The following FHIT variants were observed in gnomAD, a reference collection of about 807,000 sequenced individuals.
The protein encoded by FHIT is fragile histidine triad diadenosine triphosphatase.
In FHIT, 19 loss-of-function variants were observed where a neutral mutation model predicts 17.9. That is an observed-to-expected ratio of 1.06 (90% CI 0.74 to 1.56). FHIT has a LOEUF of 1.56. FHIT is among the 40% of genes most tolerant of loss of function. The pLI, the probability that FHIT is intolerant of heterozygous loss-of-function variation, is 0.00. For synonymous variants in FHIT, 81 were observed against 69.7 expected, an observed-to-expected ratio of 1.16 and a Z score of -0.81; for missense variants, 248 against 189.2, an observed-to-expected ratio of 1.31 and a Z score of -1.82.
At chr3:61,006,285 C>A (rs1163564789) in intron 3 of FHIT, among the ~76,000 whole-genome samples, 1 of 152,084 alleles carries the variant, frequency 6.6e-6, no homozygotes, top group African/African-American at 2.4e-5. Flanking sequence ...CAGAAGGTAA[C>A]CTCAAGCAGT....
intron 5 of FHIT, among the ~76,000 whole-genome samples, chr3:60,206,038 C>T (rs1332830040): frequency 2.0e-5 from 3 of 150,070 alleles, no homozygotes; most frequent in East Asian, 4.0e-4. Context: ...AAGGCTGAGG[C>T]AGGAGAATGG....
intron 4 of FHIT, among the ~76,000 whole-genome samples, chr3:60,541,678 A>C (rs914604200): frequency 6.6e-6 from 1 of 152,208 alleles, no homozygotes; most frequent in South Asian, 2.1e-4. Flanking sequence ...CCAAACTGGT[A>C]GACTATGAAC....
chr3:59,778,420 A>G (rs890354364), intron 8 of FHIT, among the ~76,000 whole-genome samples: 2 of 152,222 alleles, frequency 1.3e-5, no homozygotes, highest in Non-Finnish European at 1.5e-5. Flanking sequence ...CTGGCCTCAT[A>G]GAGCTTGTAT....
chr3:60,535,256 C>T (rs2035939445), intron 5 of FHIT, among the ~76,000 whole-genome samples: 1 of 152,096 alleles, frequency 6.6e-6, no homozygotes, highest in African/African-American at 2.4e-5. Context: ...AGTGGTACAT[C>T]TCTGTGACCT....
At chr3:60,350,984 A>T in intron 5 of FHIT, among the ~76,000 whole-genome samples, 1 of 152,120 alleles carries the variant, frequency 6.6e-6, no homozygotes, top group East Asian at 1.9e-4. Flanking sequence ...TCTGTCAACA[A>T]CCTGAGGGAG....
chr3:60,364,666 C>A (rs138590580), intron 5 of FHIT, among the ~76,000 whole-genome samples: 1 of 152,162 alleles, frequency 6.6e-6, no homozygotes. Context: ...CTAAGAGATG[C>A]CCAGATAACT....
intron 7 of FHIT, among the ~76,000 whole-genome samples, chr3:60,004,404 A>G (rs997678317): frequency 6.6e-6 from 1 of 152,180 alleles, no homozygotes; most frequent in Non-Finnish European, 1.5e-5. Context: ...TACTAATGAA[A>G]AATTAAACAC....
chr3:60,847,527 G>A (rs1702972381), intron 3 of FHIT, among the ~76,000 whole-genome samples: 1 of 152,060 alleles, frequency 6.6e-6, no homozygotes, highest in Admixed American at 6.5e-5. Context: ...CAAATGAGGA[G>A]ATCCCCTTTT....
At chr3:59,999,954 G>C (rs139699933) in intron 7 of FHIT, among the ~76,000 whole-genome samples, 27 of 152,234 alleles carry the variant, frequency 1.8e-4, no homozygotes, top group African/African-American at 6.3e-4. Context: ...CTTCAAGTCT[G>C]GTTAATTCAA....
chr3:59,809,226 C>T (rs963581608), intron 8 of FHIT, among the ~76,000 whole-genome samples: 4 of 152,094 alleles, frequency 2.6e-5, no homozygotes, highest in Non-Finnish European at 5.9e-5. Context: ...TGAGGTCATA[C>T]TGGATTAGAA....
chr3:59,924,656 T>C (rs554876359), intron 7 of FHIT, among the ~76,000 whole-genome samples: 67 of 152,362 alleles, frequency 4.4e-4, no homozygotes, highest in African/African-American at 1.2e-3. Flanking sequence ...AGACATCACA[T>C]TCAGGGATTG....
chr3:60,112,774 T>TAGGAGCATGATGGAAGCA (rs1465175772), intron 5 of FHIT, among the ~76,000 whole-genome samples: 3 of 152,158 alleles, frequency 2.0e-5, no homozygotes, highest in Non-Finnish European at 4.4e-5. Context: ...AGTCTTTACA[T>TAGGAGCATGATGGAAGCA]AGGAGCATGA....
intron 7 of FHIT, among the ~76,000 whole-genome samples, chr3:59,928,125 T>C (rs1451808515): frequency 6.6e-6 from 1 of 152,180 alleles, no homozygotes; most frequent in Non-Finnish European, 1.5e-5. Flanking sequence ...TGTGAATCCT[T>C]CTCCCTCACA....
At chr3:60,635,136 A>G (rs1425512021) in intron 4 of FHIT, among the ~76,000 whole-genome samples, 1 of 152,252 alleles carries the variant, frequency 6.6e-6, no homozygotes, top group Non-Finnish European at 1.5e-5. Context: ...CTAAAAGGAC[A>G]GCAGGCAGTC....
At chr3:60,508,525 CAAGT>C (rs1406189525) in intron 5 of FHIT, among the ~76,000 whole-genome samples, 1 of 152,106 alleles carries the variant, frequency 6.6e-6, no homozygotes, top group Non-Finnish European at 1.5e-5. Flanking sequence ...ACTCTTTGGA[CAAGT>C]GAGTGAATAT....
intron 4 of FHIT, among the ~76,000 whole-genome samples, chr3:60,814,802 C>T (rs149626941): frequency 2.6e-5 from 4 of 151,812 alleles, no homozygotes; most frequent in Non-Finnish European, 5.9e-5. Context: ...CCACAGTGGC[C>T]GAACTAATTT....
chr3:60,680,375 C>T (rs530681782), intron 4 of FHIT, among the ~76,000 whole-genome samples: 1 of 152,160 alleles, frequency 6.6e-6, no homozygotes, highest in Non-Finnish European at 1.5e-5. Context: ...CTTCAGACCC[C>T]TTAGTTATTT....
chr3:60,130,831 GTACA>G (rs1317963467), intron 5 of FHIT, among the ~76,000 whole-genome samples: 8 of 82,952 alleles, frequency 9.6e-5, no homozygotes, highest in Non-Finnish European at 2.0e-4. Context: ...GTATAGGTGT[GTACA>G]TACATACACA....
At chr3:60,838,130 C>T (rs1398860782) in intron 3 of FHIT, among the ~76,000 whole-genome samples, 2 of 152,180 alleles carry the variant, frequency 1.3e-5, no homozygotes, top group Admixed American at 1.3e-4. Context: ...GGCAGAGTCT[C>T]ACCGTGTCAT....
Sources: allele counts gnomAD v4.1 joint callset (sites outside exome capture counted in the v4.1 genomes callset), GRCh38; gene constraint gnomAD v4.1.1; transcripts MANE v1.5; gene names NCBI Gene and HGNC (gene_info 2026-07-23, HGNC 2026-07-21).